ATXN8OS: variants seen among roughly 807,000 people sequenced by gnomAD.
ATXN8OS encodes ATXN8 opposite strand lncRNA, also known as ATXN8 opposite strand (non-protein coding).
intron 2 of ATXN8OS, among the ~76,000 whole-genome samples, chr13:70,126,560 T>G (rs559935768): frequency 4.7e-4 from 71 of 152,064 alleles, no homozygotes; most frequent in African/African-American, 1.6e-3. Flanking sequence ...GTATATATTA[T>G]ATACATAAAT....
intron 1 of ATXN8OS, among the ~76,000 whole-genome samples, chr13:70,110,456 CTTGA>C (rs1336882503): frequency 1.3e-5 from 2 of 151,276 alleles, no homozygotes; most frequent in Admixed American, 6.6e-5. Flanking sequence ...ATTATTTTCA[CTTGA>C]TTGTTACCAT....
intron 2 of ATXN8OS, among the ~76,000 whole-genome samples, chr13:70,128,768 C>T (rs1052546648): frequency 6.6e-6 from 1 of 151,814 alleles, no homozygotes; most frequent in African/African-American, 2.4e-5. Context: ...CCTCAATGTT[C>T]GTATATCTCT....
rs202240109 is a variant in ATXN8OS at position 70,167,655 on chromosome 13, TATA to T, written n.574-2090_574-2088del. On this transcript the variant is annotated intron_variant and non_coding_transcript_variant, in intron 4 of 4. Coordinates refer to ENST00000678624, the Ensembl canonical transcript of ATXN8OS. ...TGCACATGTACCCTAAAACTTAAAG[TATA>T]ATAATAACTTAAAAAAAAAGAAAAT... is the stretch of plus-strand genomic sequence containing the variant. 9.4e-3 allele frequency among the ~76,000 whole-genome samples: 1,350 copies of T among 144,054 alleles called. 16 individuals are homozygous for T. The highest frequency in any genetic ancestry group is 0.029 in the African/African-American group (1,165 of 39,642). The allele number at this position is 144,054 out of a possible 152,430, so 94.5% of individuals were successfully genotyped here.
At chr13:70,163,325 TTGGCTGGCATC>T (rs1889032831) in intron 4 of ATXN8OS, among the ~76,000 whole-genome samples, 1 of 152,062 alleles carries the variant, frequency 6.6e-6, no homozygotes, top group Non-Finnish European at 1.5e-5. Context: ...TCTAACCACA[TTGGCTGGCATC>T]TAAGTCCAGG....
At chr13:70,113,527 G>C (rs2137469442) in intron 1 of ATXN8OS, among the ~76,000 whole-genome samples, 1 of 152,200 alleles carries the variant, frequency 6.6e-6, no homozygotes, top group Non-Finnish European at 1.5e-5. Context: ...CTGTATCACT[G>C]TGGGGTAAGG....
intron 3 of ATXN8OS, among the ~76,000 whole-genome samples, chr13:70,143,896 A>G (rs1409883183): frequency 6.6e-6 from 1 of 152,154 alleles, no homozygotes; most frequent in East Asian, 1.9e-4. Flanking sequence ...AAATGATTTA[A>G]TGATATATTG....
intron 2 of ATXN8OS, among the ~76,000 whole-genome samples, chr13:70,121,467 C>T (rs1888359637): frequency 6.6e-6 from 1 of 151,902 alleles, no homozygotes; most frequent in South Asian, 2.1e-4. Context: ...GAAAGGTGAC[C>T]TGTATTGGAT....
intron 1 of ATXN8OS, among the ~76,000 whole-genome samples, chr13:70,111,241 C>A (rs1888195153): frequency 6.6e-6 from 1 of 152,136 alleles, no homozygotes; most frequent in Non-Finnish European, 1.5e-5. Flanking sequence ...AAACAATAAG[C>A]AAAATTGGCT....
At chr13:70,121,379 T>C (rs1053553595) in intron 2 of ATXN8OS, among the ~76,000 whole-genome samples, 1 of 152,034 alleles carries the variant, frequency 6.6e-6, no homozygotes. Context: ...AGCATAGAGT[T>C]TGATTTTAAT....
chr13:70,152,829 T>A (rs1888888040), intron 4 of ATXN8OS, among the ~76,000 whole-genome samples: 1 of 152,178 alleles, frequency 6.6e-6, no homozygotes, highest in African/African-American at 2.4e-5. Context: ...CTCATTTATT[T>A]TTCCCAGCAG....
At chr13:70,153,498 C>T (rs941780380) in intron 4 of ATXN8OS, among the ~76,000 whole-genome samples, 1 of 152,062 alleles carries the variant, frequency 6.6e-6, no homozygotes, top group Non-Finnish European at 1.5e-5. Context: ...TCGCATGAAC[C>T]CGGGAGATGG....
chr13:70,155,792 T>G, intron 4 of ATXN8OS, among the ~76,000 whole-genome samples: 1 of 133,386 alleles, frequency 7.5e-6, no homozygotes, highest in African/African-American at 3.2e-5. Flanking sequence ...TTGCCAAAAC[T>G]GAGACAAAAA....
chr13:70,159,493 G>A (rs916400010), intron 4 of ATXN8OS, among the ~76,000 whole-genome samples: 7 of 151,816 alleles, frequency 4.6e-5, no homozygotes, highest in Non-Finnish European at 7.4e-5. Flanking sequence ...TTTCTTTATC[G>A]AATTGAATTT....
At chr13:70,111,320 T>A (rs630888) in intron 1 of ATXN8OS, among the ~76,000 whole-genome samples, 151,506 of 152,316 alleles carry the variant, frequency 0.99, 75,352 homozygotes, top group East Asian at 1. Context: ...CTTATAAAGA[T>A]AAGGAATTTA....
At chr13:70,110,510 G>GA (rs148222366) in intron 1 of ATXN8OS, among the ~76,000 whole-genome samples, 4,684 of 144,550 alleles carry the variant, frequency 0.032, 178 homozygotes, top group African/African-American at 0.094. Context: ...AATAAAACAA[G>GA]AAAAAAAAAT....
intron 1 of ATXN8OS, chr13:70,108,057 G>T (rs1357440514): frequency 7.1e-6 from 3 of 424,732 alleles, no homozygotes; most frequent in African/African-American, 2.0e-5. Context: ...GCGAGGGAGG[G>T]AGGTCTGAGC....
At chr13:70,146,265 C>G (rs1287276137) in intron 3 of ATXN8OS, among the ~76,000 whole-genome samples, 6 of 146,110 alleles carry the variant, frequency 4.1e-5, no homozygotes, top group Non-Finnish European at 9.0e-5. Context: ...CAGGAAACAA[C>G]AGGTGCTGGA....
At chr13:70,139,380 A>ACTACTACTACTGCTGCTGCTG in intron 3 of ATXN8OS, 1 of 574,178 alleles carries the variant, frequency 1.7e-6, no homozygotes, top group Non-Finnish European at 3.0e-6. Context: ...TACTACTACT[A>ACTACTACTACTGCTGCTGCTG]CTACTGCTGC....
intron 4 of ATXN8OS, among the ~76,000 whole-genome samples, chr13:70,152,775 A>G (rs2137500019): frequency 6.6e-6 from 1 of 152,296 alleles, no homozygotes; most frequent in African/African-American, 2.4e-5. Flanking sequence ...GAGTAGTCAA[A>G]AAGATTAAGA....
Sources: gnomAD v4.1 joint callset for allele counts (sites outside exome capture counted in the v4.1 genomes callset) on GRCh38, gnomAD v4.1.1 for gene constraint, MANE v1.5 for transcripts, NCBI Gene and HGNC (gene_info 2026-07-23, HGNC 2026-07-21) for gene names.